The following PALS2 variants were observed in gnomAD, a reference collection of about 807,000 sequenced individuals.
The protein encoded by PALS2 is protein associated with LIN7 2, MAGUK p55 family member.
Under a neutral mutation model 61.6 loss-of-function variants are expected in PALS2, and 27 were observed. The observed-to-expected ratio is 0.44, with a 90% CI of 0.32 to 0.60. PALS2 has a LOEUF of 0.60. Among genes scored for constraint, PALS2 ranks in the 20% least tolerant of loss-of-function variants. The pLI is 0.05. For missense variants in PALS2, 554 were observed against 639.4 expected, an observed-to-expected ratio of 0.87 and a Z score of 1.44; for synonymous variants, 236 against 218.6, an observed-to-expected ratio of 1.08 and a Z score of -0.70.
chr7:24,616,083 C>G (rs1224222431), intron 1 of PALS2, among the ~76,000 whole-genome samples: 1 of 152,118 alleles, frequency 6.6e-6, no homozygotes, highest in Non-Finnish European at 1.5e-5. Flanking sequence ...AAACCCACAG[C>G]TAATATCCCA....
chr7:24,668,207 C>T (rs1787127803), intron 8 of PALS2, among the ~76,000 whole-genome samples: 1 of 151,926 alleles, frequency 6.6e-6, no homozygotes, highest in African/African-American at 2.4e-5. Flanking sequence ...CCTGTGGTTT[C>T]ATTTACTCGG....
intron 5 of PALS2, among the ~76,000 whole-genome samples, chr7:24,653,412 A>C (rs1786260562): frequency 6.6e-6 from 1 of 152,166 alleles, no homozygotes. Flanking sequence ...AAAATAGAAC[A>C]AACATTATTC....
chr7:24,576,307 C>CAAT (rs1010961260), intron 1 of PALS2, among the ~76,000 whole-genome samples: 88 of 152,280 alleles, frequency 5.8e-4, no homozygotes, highest in African/African-American at 2.1e-3. Flanking sequence ...ACAGAAGCTG[C>CAAT]AATGATTTTC....
At position 24,596,708 on chromosome 7, in the gene PALS2, A is replaced by G. The variant is rs1356932194; in HGVS notation, c.-3+23115A>G. ...CTATTTATTTGAGCTCTGTTTAAAA[A>G]GGAAAAAAAGGACTCTCCGTATATC... is the stretch of plus-strand genomic sequence containing the variant. On this transcript the variant is annotated intron_variant, in intron 1 of 11. Coordinates refer to ENST00000222644, the MANE Select transcript of PALS2 (RefSeq NM_001303037.2). This position sits in a 1 kb window ranked among gnomAD's most constrained non-coding sequence, Gnocchi z 4.5. Among the ~76,000 whole-genome samples the G allele has an allele frequency of 6.6e-6, 1 of 152,198 alleles. No individual in the cohort carries two copies. The highest frequency in any genetic ancestry group is 1.5e-5 in the Non-Finnish European group (1 of 68,030).
At chr7:24,629,635 GA>G (rs1160114868) in intron 2 of PALS2, among the ~76,000 whole-genome samples, 1 of 151,910 alleles carries the variant, frequency 6.6e-6, no homozygotes, top group African/African-American at 2.4e-5. Context: ...AAATTTACAA[GA>G]AAAAAACAAC....
intron 5 of PALS2, among the ~76,000 whole-genome samples, chr7:24,655,077 T>C (rs557706629): frequency 1.3e-4 from 20 of 152,192 alleles, no homozygotes; most frequent in Admixed American, 6.5e-4. Context: ...GATATACCAT[T>C]AAGTTGGTAA....
rs955553572 is a variant in PALS2 at position 24,665,821 on chromosome 7, A to T, written c.883+134A>T. ...TCCCTCCCTCTGCTTTCTCTCGCTCATAAGTAATCTTTTTTGATCCCGTTC... is the reference window on the plus strand; with the variant it reads ...TCCCTCCCTCTGCTTTCTCTCGCTCTTAAGTAATCTTTTTTGATCCCGTTC... On this transcript the variant is annotated intron_variant, in intron 7 of 11. Transcript: ENST00000222644. The T allele has an allele frequency of 4.1e-6, 4 of 975,018 alleles. No homozygotes were observed. In the East Asian group the frequency reaches 1.0e-4, roughly 25 times the overall value. The allele number at this position is 975,018 out of a possible 1,614,324, so 60.4% of individuals were successfully genotyped here. A position where few individuals can be genotyped will look rare whatever the true frequency, so the allele number is the denominator to read the frequency against.
intron 9 of PALS2, among the ~76,000 whole-genome samples, chr7:24,672,722 A>C (rs1787363058): frequency 6.6e-6 from 1 of 152,164 alleles, no homozygotes; most frequent in African/African-American, 2.4e-5. Flanking sequence ...TAGTGTACAG[A>C]AATAAACTGA....
intron 9 of PALS2, among the ~76,000 whole-genome samples, chr7:24,671,410 T>A (rs1445856119): frequency 6.6e-6 from 1 of 152,230 alleles, no homozygotes; most frequent in Non-Finnish European, 1.5e-5. Context: ...GAGGTCATAT[T>A]ATATTCTGGG....
chr7:24,647,259 G>GC (rs1302503729), intron 3 of PALS2, among the ~76,000 whole-genome samples: 1 of 151,304 alleles, frequency 6.6e-6, no homozygotes, highest in Non-Finnish European at 1.5e-5. Flanking sequence ...CAATTCTCCT[G>GC]CCTCAGCCTC....
At chr7:24,580,500 C>T (rs79996469) in intron 1 of PALS2, among the ~76,000 whole-genome samples, 7,962 of 152,278 alleles carry the variant, frequency 0.052, 271 homozygotes, top group African/African-American at 0.09. Flanking sequence ...TCTGCACATA[C>T]CTCATTGATC....
intron 1 of PALS2, among the ~76,000 whole-genome samples, chr7:24,611,514 C>A (rs1784111325): frequency 6.6e-6 from 1 of 151,756 alleles, no homozygotes; most frequent in African/African-American, 2.4e-5. Flanking sequence ...GTAATGATGT[C>A]CCAGATGTGG....
intron 3 of PALS2, among the ~76,000 whole-genome samples, chr7:24,644,067 C>G (rs993125534): frequency 1.3e-5 from 2 of 150,816 alleles, no homozygotes; most frequent in African/African-American, 4.9e-5. Flanking sequence ...AGTTAATAAT[C>G]CTTGCCTAAA....
intron 10 of PALS2, 34 bp downstream of exon 10, chr7:24,679,367 T>A (rs1787796965): frequency 1.2e-6 from 2 of 1,601,714 alleles, no homozygotes; most frequent in Non-Finnish European, 1.7e-6. Flanking sequence ...TGTTTTATAT[T>A]TTATTTTCTG....
At chr7:24,629,423 C>T (rs957838059) in intron 2 of PALS2, among the ~76,000 whole-genome samples, 2 of 152,130 alleles carry the variant, frequency 1.3e-5, no homozygotes, top group African/African-American at 4.8e-5. Flanking sequence ...AGGGCATAGG[C>T]ATGAGCACAG....
chr7:24,676,665 T>C (rs1787612640), intron 9 of PALS2, among the ~76,000 whole-genome samples: 1 of 151,780 alleles, frequency 6.6e-6, no homozygotes, highest in South Asian at 2.1e-4. Context: ...TTCTCAGGTT[T>C]GTCAAAGATC....
chr7:24,602,978 TA>T (rs1442041006), intron 1 of PALS2, among the ~76,000 whole-genome samples: 1 of 152,190 alleles, frequency 6.6e-6, no homozygotes, highest in Non-Finnish European at 1.5e-5. Context: ...ACCATGATTG[TA>T]AGTTTCCTGA....
chr7:24,684,920 C>T (rs1019637047), intron 11 of PALS2, among the ~76,000 whole-genome samples: 1 of 151,858 alleles, frequency 6.6e-6, no homozygotes, highest in African/African-American at 2.4e-5. Flanking sequence ...TTTTATTGTT[C>T]TTAGGATATA....
intron 9 of PALS2, among the ~76,000 whole-genome samples, chr7:24,676,100 G>A (rs1462207613): frequency 6.6e-6 from 1 of 150,378 alleles, no homozygotes; most frequent in South Asian, 2.1e-4. Context: ...GGTGTGAGAT[G>A]GTATCTCATT....
Sources: gnomAD v4.1 joint callset for allele counts (sites outside exome capture counted in the v4.1 genomes callset) on GRCh38, gnomAD v4.1.1 for gene constraint, Gnocchi (gnomAD v3.1) non-coding constraint, MANE v1.5 for transcripts, NCBI Gene and HGNC (gene_info 2026-07-23, HGNC 2026-07-21) for gene names.